The following FAT3 variants were observed in gnomAD, a reference collection of about 807,000 sequenced individuals.
The protein encoded by FAT3 is protocadherin Fat 3.
In FAT3, 95 loss-of-function variants were observed where a neutral mutation model predicts 310.2. That is an observed-to-expected ratio of 0.31 (90% CI 0.26 to 0.36). FAT3 has a LOEUF of 0.36. FAT3 is among the 10% of genes least tolerant of loss of function. The probability of loss-of-function intolerance (pLI) is 1.00; values close to 1 mark genes in which losing one functional copy is unlikely to be tolerated. For missense variants in FAT3, 5,408 were observed against 5,715.6 expected (o/e 0.95, Z 1.74); for synonymous variants, 2,314 against 2,192.9 (o/e 1.06, Z -1.54).
At chr11:92,361,536 C>T (rs1262854876) in intron 2 of FAT3, among the ~76,000 whole-genome samples, 1 of 152,288 alleles carries the variant, frequency 6.6e-6, no homozygotes, top group East Asian at 1.9e-4. Flanking sequence ...TATGAGGACA[C>T]CTAGCAGGCA....
intron 1 of FAT3, among the ~76,000 whole-genome samples, chr11:92,262,019 A>G (rs1000802657): frequency 2.1e-4 from 32 of 151,990 alleles, no homozygotes; most frequent in African/African-American, 7.7e-4. Flanking sequence ...GGTCTCTCGA[A>G]CAATAAATGG....
chr11:92,494,648 A>G, intron 2 of FAT3, among the ~76,000 whole-genome samples: 1 of 152,058 alleles, frequency 6.6e-6, no homozygotes, highest in East Asian at 1.9e-4. Flanking sequence ...TTATTACAAT[A>G]TTTAGGCAAC....
chr11:92,353,704 C>T lies in FAT3; in HGVS notation c.1592C>T (p.Thr531Ile). ...CAGTTTACAGGTGTTATTAGCACAACTGAAGAACTGGATTTTGAATCCTCC... is the reference window on the plus strand; with the variant it reads ...CAGTTTACAGGTGTTATTAGCACAATTGAAGAACTGGATTTTGAATCCTCC... ...INQFTGVISTTEELDFESSPE... is the reference protein window; with the variant it reads ...INQFTGVISTIEELDFESSPE... Residue 531 changes from threonine (T) to isoleucine (I), a missense_variant, in exon 2 of 28, where the codon ACT (threonine) becomes ATT (isoleucine). Around this residue, in one of 5 missense-constraint regions of FAT3, gnomAD observed 4,588 missense variants for 4,809.8 expected, o/e 0.95. Transcript: ENST00000525166. 6.2e-7 allele frequency: 1 copy of T among 1,613,878 alleles called. No individual in the cohort carries two copies. The highest frequency in any genetic ancestry group is 8.5e-7 in the Non-Finnish European group (1 of 1,179,866).
chr11:92,502,213 T>C (rs186035674), intron 2 of FAT3, among the ~76,000 whole-genome samples: 92 of 152,200 alleles, frequency 6.0e-4, no homozygotes, highest in Non-Finnish European at 1.8e-4. Flanking sequence ...AGAGATGGTC[T>C]AAGAGTTCAT....
chr11:92,235,578 G>C (rs143327903), intron 1 of FAT3, among the ~76,000 whole-genome samples: 1 of 151,164 alleles, frequency 6.6e-6, no homozygotes, highest in Non-Finnish European at 1.5e-5. Flanking sequence ...GACTCTATTT[G>C]TTTATGTTCA....
intron 3 of FAT3, among the ~76,000 whole-genome samples, chr11:92,560,716 C>T (rs1445172160): frequency 3.3e-5 from 5 of 152,148 alleles, no homozygotes; most frequent in Admixed American, 2.0e-4. Flanking sequence ...GTTGGGCTTT[C>T]TAAATACCTC....
chr11:92,684,187 A>T (rs769380587), intron 3 of FAT3, among the ~76,000 whole-genome samples: 1 of 152,174 alleles, frequency 6.6e-6, no homozygotes, highest in Admixed American at 6.6e-5. Flanking sequence ...TGTTCATTTG[A>T]CTAGTTGGTT....
chr11:92,761,867 A>C lies in FAT3; in HGVS notation c.3681A>C (p.Thr1227=). ...ACTCTCTTTTTCAGGTGACTGTGAC[A>C]GATGGTGGTCCCTCTCCAAAACAGT... ...QAEHFLEVTV[T]DGGPSPKQST... is the part of the protein sequence containing the mutation. The change falls in exon 5 of 28, where the codon ACA becomes ACC. Residue 1227 remains threonine (T), a synonymous_variant. Transcript: ENST00000525166. 1.2e-6 allele frequency: 2 copies of C among 1,613,304 alleles called. No individual in the cohort carries two copies. Among genetic ancestry groups the C allele is most frequent in the Non-Finnish European group, 1.7e-6 (2 of 1,179,418 alleles).
At chr11:92,771,459 G>T (rs1946453755) in intron 6 of FAT3, among the ~76,000 whole-genome samples, 1 of 152,058 alleles carries the variant, frequency 6.6e-6, no homozygotes. Context: ...GTAAACTGCT[G>T]GTCTGGATTC....
chr11:92,508,212 G>C (rs763580528), intron 2 of FAT3, among the ~76,000 whole-genome samples: 1 of 151,954 alleles, frequency 6.6e-6, no homozygotes, highest in African/African-American at 2.4e-5. Context: ...TGCTATTTTG[G>C]TCAAAGTTGT....
At chr11:92,415,849 C>CTTTTTTT (rs1196695394) in intron 2 of FAT3, among the ~76,000 whole-genome samples, 37 of 70,398 alleles carry the variant, frequency 5.3e-4, no homozygotes, top group African/African-American at 1.4e-3. Flanking sequence ...AGCATTTTTG[C>CTTTTTTT]TTTTTTTTTT....
chr11:92,537,283 G>A (rs895865538), intron 3 of FAT3, among the ~76,000 whole-genome samples: 2 of 152,084 alleles, frequency 1.3e-5, no homozygotes, highest in Non-Finnish European at 2.9e-5. Context: ...GAGACTGGTG[G>A]GAGAGATGAT....
chr11:92,642,810 G>T (rs940454140), intron 3 of FAT3, among the ~76,000 whole-genome samples: 2 of 152,174 alleles, frequency 1.3e-5, no homozygotes, highest in Non-Finnish European at 2.9e-5. Context: ...GAGTCCTGGG[G>T]CATTCCCATG....
intron 2 of FAT3, among the ~76,000 whole-genome samples, chr11:92,403,063 A>G (rs1950056924): frequency 6.6e-6 from 1 of 152,138 alleles, no homozygotes; most frequent in Non-Finnish European, 1.5e-5. Flanking sequence ...AGTCTTACAG[A>G]CAAGTTTACT....
chr11:92,696,300 C>T (rs1943940599), intron 3 of FAT3, among the ~76,000 whole-genome samples: 1 of 152,130 alleles, frequency 6.6e-6, no homozygotes, highest in Non-Finnish European at 1.5e-5. Context: ...AGCTTGTAAA[C>T]AGCCATGTTA....
chr11:92,765,777 G>A (rs1946291260), intron 6 of FAT3, among the ~76,000 whole-genome samples: 2 of 85,472 alleles, frequency 2.3e-5, no homozygotes, highest in Non-Finnish European at 2.4e-5. Flanking sequence ...GATAGGGTTT[G>A]GATTTTTTTT....
intron 1 of FAT3, among the ~76,000 whole-genome samples, chr11:92,315,504 TATATATATAGAGAGAGAG>T (rs1218630158): frequency 2.0e-4 from 18 of 90,978 alleles, no homozygotes; most frequent in African/African-American, 6.0e-4. Context: ...TATATATATA[TATATATATAGAGAGAGAG>T]AGAGAGAGAG....
At chr11:92,364,139 A>G (rs1327234698) in intron 2 of FAT3, among the ~76,000 whole-genome samples, 1 of 152,140 alleles carries the variant, frequency 6.6e-6, no homozygotes, top group Non-Finnish European at 1.5e-5. Context: ...AGGTAATCCA[A>G]ATAGGTTGGC....
At position 92,836,598 on chromosome 11, in the gene FAT3, C is replaced by A; in HGVS notation, c.10119C>A (p.Asn3373Lys). ...CAGAAGATGTAGACAGCCAGCCCAA[C>A]GGACAGATTCATTTTTCCATTGTGA... ...LIAEDVDSQP[N>K]GQIHFSIVNG... Residue 3373 changes from asparagine (N) to lysine (K), a missense_variant, in exon 16 of 28, where the codon AAC becomes AAA. By Grantham distance (94) the Asn-to-Lys change is moderately conservative (BLOSUM62 0). This residue lies in a region of FAT3 where 4,588 missense variants were observed against 4,809.8 expected (regional missense o/e 0.95). Transcript: ENST00000525166. 6.2e-7 allele frequency: 1 copy of A among 1,613,812 alleles called. No individual in the cohort carries two copies. The highest frequency in any genetic ancestry group is 1.1e-5 in the South Asian group (1 of 91,034).
Sources: gnomAD v4.1 joint callset for allele counts (sites outside exome capture counted in the v4.1 genomes callset) on GRCh38, gnomAD v4.1.1 for gene constraint, gnomAD v4.1.1 regional missense constraint, MANE v1.5 for transcripts, NCBI Gene and HGNC (gene_info 2026-07-23, HGNC 2026-07-21) for gene names.